HMCN1: variants seen among roughly 807,000 people sequenced by gnomAD.
HMCN1 encodes the protein hemicentin 1, also known as hemicentin-1.
HMCN1 carries 321 observed loss-of-function variants against 625.9 expected under a neutral mutation model. The ratio of observed to expected loss-of-function variants is 0.51; its 90% CI spans 0.47 to 0.56. The LOEUF (loss-of-function observed/expected upper bound fraction) is 0.56, where lower values mean the gene tolerates loss of function less well. Among genes scored for constraint, HMCN1 ranks in the 20% least tolerant of loss-of-function variants. HMCN1 has a pLI of 0.00. For synonymous variants in HMCN1, 2,425 were observed against 2,417.6 expected, an observed-to-expected ratio of 1.00 and a Z score of -0.09; for missense variants, 6,588 against 6,887.3, an observed-to-expected ratio of 0.96 and a Z score of 1.54.
In HMCN1 at chr1:186,120,065, G is replaced by A. The variant is rs565996021; in HGVS notation, c.12149G>A (p.Arg4050Gln). The A allele has an allele frequency of 2.4e-5, 39 of 1,614,016 alleles. No individual in the cohort carries two copies. The highest frequency in any genetic ancestry group is 6.6e-5 in the South Asian group (6 of 91,082). Residue 4050 changes from arginine (R) to glutamine (Q), a missense_variant, in exon 80 of 107, where the codon CGA becomes CAA. By Grantham distance (43) the Arg-to-Gln change is conservative (BLOSUM62 1). Coordinates refer to ENST00000271588, the MANE Select transcript of HMCN1 (RefSeq NM_031935.3). ...GGCTTACAGATCTCCAGAGCTGTCC[G>A]AGAGGATGCTGGCACTTACATGTGT... ...SGGLQISRAV[R>Q]EDAGTYMCVA...
chr1:185,959,892 A>G (rs1649887717), intron 11 of HMCN1, among the ~76,000 whole-genome samples: 1 of 152,156 alleles, frequency 6.6e-6, no homozygotes, highest in South Asian at 2.1e-4. Context: ...TGGTTCTTTA[A>G]TTCCATGTTC....
At chr1:186,144,492 CTAGG>C in intron 90 of HMCN1, 37 bp from the exon 91 acceptor site, 1 of 1,613,706 alleles carries the variant, frequency 6.2e-7, no homozygotes, top group South Asian at 1.1e-5. Context: ...ACGATGGTTC[CTAGG>C]TAGTAAGAAA....
chr1:186,162,680 C>T lies in HMCN1; in HGVS notation c.15257-2431C>T, dbSNP rs566701890. 4.6e-5 allele frequency among the ~76,000 whole-genome samples: 7 copies of T among 152,340 alleles called. No homozygotes were observed. The South Asian group carries it at 1.5e-3, about 32-fold the overall frequency. On this transcript the variant is annotated intron_variant, in intron 97 of 106. Transcript: ENST00000271588. The stretch of plus-strand genomic sequence containing the variant: ...TGTTGGAGTTTGCTAGAGGTCCACT[C>T]CAGACCCTGTTTGCCTGGGTATCAG...
At chr1:186,158,789 A>G (rs1351665528) in intron 97 of HMCN1, among the ~76,000 whole-genome samples, 3 of 152,058 alleles carry the variant, frequency 2.0e-5, no homozygotes, top group Non-Finnish European at 1.5e-5. Context: ...TGTTCCATTG[A>G]TCTATATCTC....
chr1:185,832,943 G>A (rs941981254), intron 1 of HMCN1, among the ~76,000 whole-genome samples: 5 of 152,192 alleles, frequency 3.3e-5, no homozygotes, highest in South Asian at 2.1e-4. Flanking sequence ...GATGGAGACT[G>A]TAGACATTCA....
Position 186,151,267 on chromosome 1 carries a change from C to T in HMCN1, c.14676C>T (p.Phe4892=). 2 of 1,613,418 alleles carry T rather than the reference C, an allele frequency of 1.2e-6. No individual in the cohort carries two copies. The highest frequency in any genetic ancestry group is 1.7e-6 in the Non-Finnish European group (2 of 1,179,452). The change falls in exon 94 of 107, where the codon TTC becomes TTT. Residue 4892 remains phenylalanine, a synonymous_variant. Coordinates refer to ENST00000271588, the MANE Select transcript of HMCN1 (RefSeq NM_031935.3). ...ATGATGTTGAATTTGGAATTGCTTTCCTTAATGCCACAATAACTGATAGCC... is the reference window on the plus strand; with the variant it reads ...ATGATGTTGAATTTGGAATTGCTTTTCTTAATGCCACAATAACTGATAGCC... ...NINDVEFGIA[F]LNATITDSPN... is the part of the protein sequence containing the mutation.
intron 1 of HMCN1, among the ~76,000 whole-genome samples, chr1:185,760,528 T>G (rs1392293750): frequency 6.6e-6 from 1 of 152,154 alleles, no homozygotes; most frequent in African/African-American, 2.4e-5. Flanking sequence ...TTTTTTAAAT[T>G]TATTCATTAA....
At position 186,162,206 on chromosome 1, in the gene HMCN1, G is replaced by A. The variant is rs187915428; in HGVS notation, c.15257-2905G>A. Among the ~76,000 whole-genome samples the A allele has an allele frequency of 9.8e-3, 1,490 of 152,116 alleles. 11 individuals carry two copies. The highest frequency in any genetic ancestry group is 0.041 in the Middle Eastern group (12 of 294). On this transcript the variant is annotated intron_variant, in intron 97 of 106. Transcript: ENST00000271588. ...CTGATGTCCTTTCTTCCAGTTGATTGCATCGGCTCCTGAGGCTTCTGCATT... is the reference window on the plus strand; with the variant it reads ...CTGATGTCCTTTCTTCCAGTTGATTACATCGGCTCCTGAGGCTTCTGCATT...
At chr1:186,107,917 A>C (rs1331160868) in intron 70 of HMCN1, among the ~76,000 whole-genome samples, 1 of 152,110 alleles carries the variant, frequency 6.6e-6, no homozygotes, top group Admixed American at 6.6e-5. Context: ...AATAATTAAA[A>C]AACTAACAGA....
At chr1:185,807,098 A>T (rs78757991) in intron 1 of HMCN1, among the ~76,000 whole-genome samples, 3 of 152,206 alleles carry the variant, frequency 2.0e-5, no homozygotes, top group African/African-American at 7.2e-5. Context: ...GTTGAAGATT[A>T]TAATATAAAA....
At chr1:185,992,733 T>G (rs2102035076) in intron 22 of HMCN1, among the ~76,000 whole-genome samples, 1 of 152,270 alleles carries the variant, frequency 6.6e-6, no homozygotes, top group South Asian at 2.1e-4. Context: ...TTTAACACAA[T>G]GCAATAACAT....
intron 1 of HMCN1, among the ~76,000 whole-genome samples, chr1:185,813,676 T>G (rs927741797): frequency 2.6e-5 from 4 of 152,178 alleles, no homozygotes; most frequent in Non-Finnish European, 5.9e-5. Context: ...GAATTTTACA[T>G]ATCGTGGTAT....
chr1:186,039,967 G>C (rs1342080089), intron 39 of HMCN1, 88 bp downstream of exon 39: 1 of 1,295,688 alleles, frequency 7.7e-7, no homozygotes, highest in Non-Finnish European at 1.1e-6. Flanking sequence ...AAGAGATTTA[G>C]AGAACAAGGA....
chr1:186,052,832 A>G, intron 42 of HMCN1, 120 bp from the exon 43 acceptor site: 5 of 846,388 alleles, frequency 5.9e-6, no homozygotes, highest in Non-Finnish European at 9.9e-6. Context: ...GTTGATGTCA[A>G]CCTCATATGA....
chr1:185,892,346 G>A (rs1254995392), intron 4 of HMCN1, among the ~76,000 whole-genome samples: 2 of 151,988 alleles, frequency 1.3e-5, no homozygotes, highest in Admixed American at 6.5e-5. Context: ...TTGTTCCATT[G>A]CTGGTGAGGA....
At chr1:185,918,280 G>C (rs933463551) in intron 6 of HMCN1, among the ~76,000 whole-genome samples, 1 of 152,192 alleles carries the variant, frequency 6.6e-6, no homozygotes, top group Non-Finnish European at 1.5e-5. Context: ...AAGTCCAAGA[G>C]TCCAAAGGCC....
chr1:185,824,588 G>A (rs1019828905), intron 1 of HMCN1, among the ~76,000 whole-genome samples: 2 of 152,086 alleles, frequency 1.3e-5, no homozygotes, highest in African/African-American at 4.8e-5. Flanking sequence ...TTGGTTGTAG[G>A]CATAACCACA....
chr1:186,067,083 C>A (rs1205122238), intron 49 of HMCN1, among the ~76,000 whole-genome samples: 1 of 152,108 alleles, frequency 6.6e-6, no homozygotes, highest in Non-Finnish European at 1.5e-5. Flanking sequence ...AATCTTTCTA[C>A]ATTTTATATT....
Position 186,065,100 on chromosome 1 carries a change from A to C in HMCN1, c.7514-138A>C, listed in dbSNP as rs1337359577. On this transcript the variant is annotated intron_variant, in intron 48 of 106. Coordinates refer to ENST00000271588, the MANE Select transcript of HMCN1 (RefSeq NM_031935.3). ...ATAAAATAAGTTAGCTTGCATAGTT[A>C]TTTTTAAATGAATGATTACTGCCGT... is the stretch of plus-strand genomic sequence containing the variant. 2.0e-5 allele frequency: 13 copies of C among 640,922 alleles called. No individual in the cohort carries two copies. The East Asian group carries it at 3.6e-4, about 18-fold the overall frequency. 39.7% of individuals were successfully genotyped at this position (640,922 alleles called of 1,614,324 possible).
Sources: allele counts gnomAD v4.1 joint callset (sites outside exome capture counted in the v4.1 genomes callset), GRCh38; gene constraint gnomAD v4.1.1; transcripts MANE v1.5; gene names NCBI Gene and HGNC (gene_info 2026-07-23, HGNC 2026-07-21).